PHACTR1: variants seen among roughly 807,000 people sequenced by gnomAD.
PHACTR1 encodes the protein RPEL repeat containing 1.
In PHACTR1, 16 loss-of-function variants were observed where a neutral mutation model predicts 69.2. The observed-to-expected ratio is 0.23, with a 90% confidence interval of 0.16 to 0.35. The LOEUF (loss-of-function observed/expected upper bound fraction) is 0.35. Ranked by LOEUF, PHACTR1 falls within the 10% of genes least tolerant of loss-of-function variation. The probability of loss-of-function intolerance (pLI) is 1.00; values close to 1 mark genes in which losing one functional copy is unlikely to be tolerated. For missense variants in PHACTR1, 510 were observed against 734.7 expected (o/e 0.69, Z 3.54); for synonymous variants, 312 against 284.5 (o/e 1.10, Z -0.97).
chr6:13,177,379 C>A (rs529439210), intron 6 of PHACTR1, among the ~76,000 whole-genome samples: 2,568 of 145,740 alleles, frequency 0.018, 37 homozygotes, highest in African/African-American at 0.039. Context: ...CTCTCTCTCT[C>A]TCTATATATA....
chr6:12,892,985 G>A (rs1350081201), intron 4 of PHACTR1, among the ~76,000 whole-genome samples: 1 of 152,182 alleles, frequency 6.6e-6, no homozygotes, highest in African/African-American at 2.4e-5. Context: ...GGAAGATAGA[G>A]ACCTCCAGAG....
At chr6:13,044,581 C>T (rs1356804366) in intron 4 of PHACTR1, among the ~76,000 whole-genome samples, 3 of 152,204 alleles carry the variant, frequency 2.0e-5, no homozygotes, top group Admixed American at 2.0e-4. Context: ...AGATGAACTT[C>T]CTGAACCACC....
In PHACTR1 at chr6:12,922,337, A is replaced by G. The variant is rs143832317; in HGVS notation, c.251-131028A>G. Among the ~76,000 whole-genome samples, 82 of 152,368 alleles carry G rather than the reference A, an allele frequency of 5.4e-4. 1 individual carries two copies. The East Asian group carries it at 0.013, about 25-fold the overall frequency. ...AGCAAAAGCATGTAAAATTATTCAT[A>G]GCTCTGTCTTATTTTACGTAGATCA... is the stretch of plus-strand genomic sequence containing the variant. On this transcript the variant is annotated intron_variant, in intron 4 of 14. Coordinates refer to ENST00000332995, the MANE Select transcript of PHACTR1 (RefSeq NM_030948.6).
intron 4 of PHACTR1, among the ~76,000 whole-genome samples, chr6:12,958,634 T>C (rs1000979074): frequency 6.6e-6 from 1 of 152,220 alleles, no homozygotes; most frequent in South Asian, 2.1e-4. Context: ...AACACTGACT[T>C]CTAAAGAGCC....
intron 10 of PHACTR1, among the ~76,000 whole-genome samples, chr6:13,258,132 T>C (rs911286358): frequency 6.6e-6 from 1 of 152,228 alleles, no homozygotes; most frequent in South Asian, 2.1e-4. Context: ...CCGAGGTGGA[T>C]GGATCACCTG....
intron 4 of PHACTR1, among the ~76,000 whole-genome samples, chr6:12,955,189 C>T (rs1180088555): frequency 2.8e-5 from 3 of 106,530 alleles, no homozygotes; most frequent in Non-Finnish European, 5.3e-5. Context: ...CATTGTATTT[C>T]CTCTTTTTTT....
intron 10 of PHACTR1, among the ~76,000 whole-genome samples, chr6:13,241,162 A>C (rs946801922): frequency 7.9e-5 from 12 of 152,204 alleles, no homozygotes; most frequent in African/African-American, 2.4e-4. Flanking sequence ...GCTATGTGCA[A>C]ATGTACTCAA....
At chr6:13,175,344 C>G (rs921969032) in intron 6 of PHACTR1, among the ~76,000 whole-genome samples, 2 of 151,984 alleles carry the variant, frequency 1.3e-5, no homozygotes, top group East Asian at 3.9e-4. Flanking sequence ...GCAGAGAATA[C>G]TTTGATCTGC....
In PHACTR1 at chr6:13,136,983, T is replaced by A. The variant is rs74421159; in HGVS notation, c.416-23221T>A. Among the ~76,000 whole-genome samples the A allele has an allele frequency of 3.6e-3, 548 of 152,316 alleles. 2 individuals are homozygous for A. Among genetic ancestry groups the A allele is most frequent in the African/African-American group, 0.012 (502 of 41,566 alleles). On this transcript the variant is annotated intron_variant, in intron 5 of 14. Transcript: ENST00000332995. ...AAAGTGTGAAAAATTGCAAGAATTATCAAAATGTGACACAGAGACCCAAAG... is the reference window on the plus strand; with the variant it reads ...AAAGTGTGAAAAATTGCAAGAATTAACAAAATGTGACACAGAGACCCAAAG...
chr6:13,151,529 C>T (rs1008379945), intron 5 of PHACTR1, among the ~76,000 whole-genome samples: 4 of 152,172 alleles, frequency 2.6e-5, no homozygotes, highest in Admixed American at 6.5e-5. Context: ...AACACAGTAG[C>T]GATGTTTGTA....
chr6:12,741,149 A>G (rs1014227861), intron 3 of PHACTR1, among the ~76,000 whole-genome samples: 5 of 152,124 alleles, frequency 3.3e-5, no homozygotes, highest in Admixed American at 2.6e-4. Flanking sequence ...TAAATGTCCC[A>G]ACCAGCACTG....
intron 10 of PHACTR1, among the ~76,000 whole-genome samples, chr6:13,266,157 G>A (rs184592802): frequency 7.6e-4 from 115 of 152,164 alleles, no homozygotes; most frequent in African/African-American, 2.4e-3. Context: ...CTAGTTGCAT[G>A]AGTTAGAAAA....
At chr6:13,068,186 G>A (rs187096066) in intron 5 of PHACTR1, among the ~76,000 whole-genome samples, 4 of 152,084 alleles carry the variant, frequency 2.6e-5, no homozygotes, top group Non-Finnish European at 5.9e-5. Context: ...GCATAGTGGC[G>A]TGCGCCTGTA....
chr6:13,286,246 TCCTTTTTTTC>T (rs1781679662), intron 14 of PHACTR1, 24 bp downstream of exon 14: 1 of 1,524,900 alleles, frequency 6.6e-7, no homozygotes. Flanking sequence ...GTTTTTTTTT[TCCTTTTTTTC>T]CCTCAAGTTG....
At chr6:12,732,420 C>T (rs1035504009) in intron 3 of PHACTR1, among the ~76,000 whole-genome samples, 1 of 151,994 alleles carries the variant, frequency 6.6e-6, no homozygotes, top group East Asian at 1.9e-4. Context: ...CATAGGTATA[C>T]GTGTGTCATG....
chr6:12,850,201 G>A lies in PHACTR1; in HGVS notation c.250+100411G>A, dbSNP rs115570767. ...TATCCCAAAGCCTATGCCAGATATT[G>A]GATCTCCTTCTTCCGTCACAACTTC... On this transcript the variant is annotated intron_variant, in intron 4 of 14. Coordinates refer to ENST00000332995, the MANE Select transcript of PHACTR1 (RefSeq NM_030948.6). 4.6e-3 allele frequency among the ~76,000 whole-genome samples: 703 copies of A among 152,270 alleles called. 9 individuals carry two copies. Among genetic ancestry groups the A allele is most frequent in the African/African-American group, 0.016 (675 of 41,544 alleles).
chr6:12,957,568 C>T, intron 4 of PHACTR1: 2 of 985,596 alleles, frequency 2.0e-6, no homozygotes, highest in South Asian at 4.7e-5. Flanking sequence ...TGTGCCCCAC[C>T]GGCTGGAGGC....
rs141708774 is a variant in PHACTR1, at chr6:12,948,049, G to A, written c.251-105316G>A. Among the ~76,000 whole-genome samples the A allele has an allele frequency of 2.2e-4, 34 of 152,128 alleles. No individual in the cohort carries two copies. The East Asian group carries it at 5.6e-3, about 25-fold the overall frequency. ...TCCTCTGTTGGCTCATTGTAGTTGCGCCATGAACCTTTCCATATCCCTAAA... is the reference window on the plus strand; with the variant it reads ...TCCTCTGTTGGCTCATTGTAGTTGCACCATGAACCTTTCCATATCCCTAAA... On this transcript the variant is annotated intron_variant, in intron 4 of 14. Coordinates refer to ENST00000332995, the MANE Select transcript of PHACTR1 (RefSeq NM_030948.6).
chr6:13,064,575 T>G (rs1477826610), intron 5 of PHACTR1, among the ~76,000 whole-genome samples: 2 of 3,798 alleles, frequency 5.3e-4, no homozygotes, highest in African/African-American at 1.4e-3. Flanking sequence ...TATATATATA[T>G]ATATATATAT....
Sources: allele counts gnomAD v4.1 joint callset (sites outside exome capture counted in the v4.1 genomes callset), GRCh38; gene constraint gnomAD v4.1.1; transcripts MANE v1.5; gene names NCBI Gene and HGNC (gene_info 2026-07-23, HGNC 2026-07-21).